DMD: variants seen among roughly 807,000 people sequenced by gnomAD.
The protein encoded by DMD is dystrophin.
A neutral mutation model predicts 330.1 loss-of-function variants in DMD; 63 were observed. The observed-to-expected ratio is 0.19, with a 90% CI of 0.16 to 0.24. DMD has a LOEUF of 0.24. Ranked by LOEUF, DMD falls within the 10% of genes least tolerant of loss-of-function variation. The probability of loss-of-function intolerance (pLI) is 1.00; values close to 1 mark genes in which losing one functional copy is unlikely to be tolerated. For missense variants in DMD, 3,344 were observed against 2,684.1 expected (o/e 1.25, Z -5.43); for synonymous variants, 1,223 against 959.8 (o/e 1.27, Z -5.07).
chrX:32,446,473 C>A (rs1310330996), intron 27 of DMD, among the ~76,000 whole-genome samples: 1 of 109,168 alleles, frequency 9.2e-6, no homozygotes, highest in Non-Finnish European at 1.9e-5. Context: ...ATACTCAGGG[C>A]AAAATAAAGG....
chrX:32,060,581 TGAAA>T (rs1156733949), intron 44 of DMD, among the ~76,000 whole-genome samples: 48 of 111,405 alleles, frequency 4.3e-4, no homozygotes, highest in African/African-American at 1.5e-3. Flanking sequence ...ATCATTAACC[TGAAA>T]GAAAGAACAC....
At chrX:31,124,044 T>TAA (rs1325944972) in intron 78 of DMD, among the ~76,000 whole-genome samples, 1 of 111,990 alleles carries the variant, frequency 8.9e-6, no homozygotes, top group Non-Finnish European at 1.9e-5. Context: ...TCAAGAAGCA[T>TAA]AAGTTCTAGG....
chrX:31,921,344 A>G (rs746643021), intron 47 of DMD, among the ~76,000 whole-genome samples: 1 of 112,190 alleles, frequency 8.9e-6, no homozygotes, highest in South Asian at 3.7e-4. Context: ...TTTAGCTGAA[A>G]TGCTAGTTGG....
intron 7 of DMD, among the ~76,000 whole-genome samples, chrX:32,726,888 C>A (rs1159049440): frequency 9.1e-6 from 1 of 109,851 alleles, no homozygotes; most frequent in Non-Finnish European, 1.9e-5. Flanking sequence ...CTAGGCCTAA[C>A]GTTTACTAGA....
chrX:31,800,428 C>G (rs2092008617), intron 50 of DMD, among the ~76,000 whole-genome samples: 1 of 112,459 alleles, frequency 8.9e-6, no homozygotes, highest in South Asian at 3.7e-4. Flanking sequence ...TGAGCCACAG[C>G]TGGTATGCAG....
At chrX:32,064,148 A>G (rs774370636) in intron 44 of DMD, among the ~76,000 whole-genome samples, 1 of 111,600 alleles carries the variant, frequency 9.0e-6, no homozygotes, top group Non-Finnish European at 1.9e-5. Context: ...TTGACTCTTT[A>G]ATATATAAAG....
chrX:32,995,727 A>T (rs2093101253), intron 2 of DMD, among the ~76,000 whole-genome samples: 1 of 112,035 alleles, frequency 8.9e-6, no homozygotes, highest in Non-Finnish European at 1.9e-5. Context: ...TTCATAAATC[A>T]TCTAACACTT....
chrX:32,897,248 T>G (rs1203587923), intron 2 of DMD, among the ~76,000 whole-genome samples: 3 of 111,214 alleles, frequency 2.7e-5, no homozygotes, highest in East Asian at 2.8e-4. Flanking sequence ...GACCAAAATT[T>G]TAATGTTTTT....
intron 14 of DMD, 36 bp from the exon 15 acceptor site, chrX:32,573,673 A>G (rs756172881): frequency 8.4e-6 from 10 of 1,195,089 alleles, no homozygotes; most frequent in Middle Eastern, 2.3e-4. Flanking sequence ...GAATAAATAA[A>G]CATAAATCTT....
chrX:33,299,435 T>C (rs1325431447), intron 1 of DMD, among the ~76,000 whole-genome samples: 1 of 111,640 alleles, frequency 9.0e-6, no homozygotes, highest in Non-Finnish European at 1.9e-5. Flanking sequence ...CTTCCCTTCT[T>C]AGCTTCTATT....
At chrX:33,328,033 TCATC>T (rs2054114057) in intron 1 of DMD, among the ~76,000 whole-genome samples, 1 of 111,977 alleles carries the variant, frequency 8.9e-6, no homozygotes, top group Non-Finnish European at 1.9e-5. Context: ...ATGTTGTTCT[TCATC>T]CACTATAGAA....
At chrX:32,576,520 A>T (rs983225507) in intron 13 of DMD, among the ~76,000 whole-genome samples, 1 of 110,887 alleles carries the variant, frequency 9.0e-6, no homozygotes, top group Non-Finnish European at 1.9e-5. Context: ...GGCGGGTAAC[A>T]TTGACAGCAT....
At chrX:32,486,940 G>T (rs181548743) in intron 20 of DMD, among the ~76,000 whole-genome samples, 2 of 109,713 alleles carry the variant, frequency 1.8e-5, no homozygotes, top group Non-Finnish European at 3.8e-5. Context: ...CATAGGCATG[G>T]GCAAGGACTT....
chrX:32,853,828 T>C (rs1187311579), intron 2 of DMD, among the ~76,000 whole-genome samples: 1 of 106,915 alleles, frequency 9.4e-6, no homozygotes, highest in African/African-American at 3.4e-5. Flanking sequence ...CTCAATCTGT[T>C]GCCTACAAGA....
rs1318808074 is a variant in DMD at position 31,921,583 on chromosome X, G to T, written c.6912+8013C>A. Among the ~76,000 whole-genome samples the T allele has an allele frequency of 2.7e-5, 3 of 112,218 alleles. No individual in the cohort carries two copies. The East Asian group carries it at 8.4e-4, about 32-fold the overall frequency. ...GAATTTGGAGGTGAGAATCAGAGAT[G>T]ATTTTGTGCTTGCTCTTTGCATTTT... On this transcript the variant is annotated intron_variant, in intron 47 of 78. Transcript: ENST00000357033.
chrX:33,284,584 C>T (rs73459984), intron 1 of DMD, among the ~76,000 whole-genome samples: 3,696 of 106,806 alleles, frequency 0.035, 148 homozygotes, highest in African/African-American at 0.12. Context: ...AATATATTTA[C>T]TGACTATCAA....
chrX:31,609,779 C>T (rs998094662), intron 55 of DMD, among the ~76,000 whole-genome samples: 1 of 111,508 alleles, frequency 9.0e-6, no homozygotes, highest in African/African-American at 3.3e-5. Flanking sequence ...TCTGCCCCTA[C>T]CTAAACTCAT....
intron 1 of DMD, among the ~76,000 whole-genome samples, chrX:33,164,027 C>T (rs1195013492): frequency 9.0e-6 from 1 of 111,338 alleles, no homozygotes; most frequent in Non-Finnish European, 1.9e-5. Flanking sequence ...ATTTTTTCTG[C>T]TTATTTATAT....
chrX:33,331,160 G>A (rs1208009560), intron 1 of DMD, among the ~76,000 whole-genome samples: 2 of 111,545 alleles, frequency 1.8e-5, no homozygotes, highest in Admixed American at 9.6e-5. Context: ...ATCCTGTCTG[G>A]ATGACCTAAT....
Sources: allele counts gnomAD v4.1 joint callset (sites outside exome capture counted in the v4.1 genomes callset), GRCh38; gene constraint gnomAD v4.1.1; transcripts MANE v1.5; gene names NCBI Gene and HGNC (gene_info 2026-07-23, HGNC 2026-07-21).